The following NUP153 variants were observed in gnomAD, a reference collection of about 807,000 sequenced individuals.
NUP153 encodes the protein nucleoporin 153, also known as nuclear pore complex protein Nup153.
A neutral mutation model predicts 134.6 loss-of-function variants in NUP153; 27 were observed. The ratio of observed to expected loss-of-function variants is 0.20; its 90% CI spans 0.15 to 0.28. NUP153 has a LOEUF of 0.28. NUP153 is among the 10% of genes least tolerant of loss of function. The probability of loss-of-function intolerance (pLI) is 1.00; values close to 1 mark genes in which losing one functional copy is unlikely to be tolerated. For synonymous variants in NUP153, 640 were observed against 623.5 expected (o/e 1.03, Z -0.40); for missense variants, 1,821 against 1,731.3 (o/e 1.05, Z -0.92).
At chr6:17,664,840 G>T (rs1424587635) in intron 9 of NUP153, among the ~76,000 whole-genome samples, 1 of 151,976 alleles carries the variant, frequency 6.6e-6, no homozygotes, top group Non-Finnish European at 1.5e-5. Context: ...GTCACTTGAG[G>T]TCAGGAGTTC....
chr6:17,695,599 T>G (rs1473134197), intron 1 of NUP153, among the ~76,000 whole-genome samples: 1 of 152,204 alleles, frequency 6.6e-6, no homozygotes, highest in East Asian at 1.9e-4. Flanking sequence ...ATTTCCACCG[T>G]TAAAGACTTA....
rs1325411988 is a variant in NUP153 at position 17,669,344 on chromosome 6, A to C, written c.970-7T>G. ...ATGGAATTCTTTTTGCATCCTGTTAAAGTTGAAAAAATAACAAAATTAAGA... is the reference window on the plus strand; with the variant it reads ...ATGGAATTCTTTTTGCATCCTGTTACAGTTGAAAAAATAACAAAATTAAGA... On this transcript the variant is annotated splice_region_variant and splice_polypyrimidine_tract_variant and intron_variant, in intron 6 of 21. Transcript: ENST00000262077. 2 of 1,608,440 alleles carry C rather than the reference A, an allele frequency of 1.2e-6. No individual in the cohort carries two copies. The highest frequency in any genetic ancestry group is 1.7e-5 in the Admixed American group (1 of 59,980).
At chr6:17,643,305 C>T (rs1486215626) in intron 14 of NUP153, among the ~76,000 whole-genome samples, 2 of 152,182 alleles carry the variant, frequency 1.3e-5, no homozygotes, top group Non-Finnish European at 2.9e-5. Context: ...AACCCCTTCT[C>T]TACTAAAAAT....
chr6:17,639,816 T>C (rs1025005138), intron 15 of NUP153, 123 bp downstream of exon 15: 1 of 818,538 alleles, frequency 1.2e-6, no homozygotes, highest in Non-Finnish European at 1.8e-6. Context: ...TACATCTCTA[T>C]TCAAAAGTAA....
Position 17,629,005 on chromosome 6 carries a change from C to T in NUP153, c.3194G>A (p.Cys1065Tyr). 1.9e-6 allele frequency: 3 copies of T among 1,614,150 alleles called. No homozygotes were observed. Among genetic ancestry groups the T allele is most frequent in the South Asian group, 1.1e-5 (1 of 91,082 alleles). ...TKSASVAPFT[C>Y]KTSEAKKEEM... is the part of the protein sequence containing the mutation. Reference sequence around the variant, plus strand: ...TTCTTTTTTAGCTTCTGATGTCTTACATGTGAAAGGAGCCACTGAAGCACT... The same window carrying T: ...TTCTTTTTTAGCTTCTGATGTCTTATATGTGAAAGGAGCCACTGAAGCACT... Residue 1065 changes from cysteine to tyrosine, a missense_variant, in exon 18 of 22, where the codon TGT becomes TAT. Cys to Tyr is a radical substitution (Grantham distance 194). Transcript: ENST00000262077.
At position 17,616,670 on chromosome 6, in the gene NUP153, G is replaced by A. The variant is rs1433295018; in HGVS notation, c.4200C>T (p.Ser1400=). The part of the protein sequence containing the change: ...NSSSAFQFGS[S]TTNFNFTNNS... ...TGTTTGTGAAGTTGAAATTTGTAGT[G>A]CTGCTGCCAAACTGGAAAGCCGAAC... Residue 1400 remains serine (S), a synonymous_variant, in exon 21 of 22, where the codon AGC becomes AGT. Transcript: ENST00000262077. The A allele has an allele frequency of 6.2e-7, 1 of 1,613,268 alleles. No homozygotes were observed. The highest frequency in any genetic ancestry group is 1.1e-5 in the South Asian group (1 of 90,892).
At position 17,652,750 on chromosome 6, in the gene NUP153, C is replaced by T. The variant is rs368095623; in HGVS notation, c.1396-3450G>A. Among the ~76,000 whole-genome samples, 318 of 152,204 alleles carry T rather than the reference C, an allele frequency of 2.1e-3. 1 individual carries two copies. The highest frequency in any genetic ancestry group is 3.8e-3 in the Non-Finnish European group (259 of 68,016). ...CAGTAAGAAGACAGCTGGCTGGGTGCGGTGGCTCATGGCCTGTAATCCCAG... is the reference window on the plus strand; with the variant it reads ...CAGTAAGAAGACAGCTGGCTGGGTGTGGTGGCTCATGGCCTGTAATCCCAG... On this transcript the variant is annotated intron_variant, in intron 11 of 21. Transcript: ENST00000262077.
intron 1 of NUP153, among the ~76,000 whole-genome samples, chr6:17,693,384 T>C (rs1184988580): frequency 6.6e-6 from 1 of 152,110 alleles, no homozygotes; most frequent in Non-Finnish European, 1.5e-5. Context: ...AAGAGAGGTC[T>C]TTTTTTGTGC....
intron 10 of NUP153, 112 bp downstream of exon 10, chr6:17,661,906 T>A (rs889028482): frequency 4.7e-6 from 6 of 1,282,074 alleles, no homozygotes; most frequent in Non-Finnish European, 6.6e-6. Flanking sequence ...TAGATTTCTT[T>A]ATATAAAGTT....
chr6:17,636,266 T>C (rs1765546286), intron 16 of NUP153, among the ~76,000 whole-genome samples: 1 of 148,362 alleles, frequency 6.7e-6, no homozygotes, highest in Non-Finnish European at 1.5e-5. Flanking sequence ...ATCTGGGAGA[T>C]GGAGGTCTCA....
chr6:17,700,269 C>G (rs1769965657), intron 1 of NUP153, among the ~76,000 whole-genome samples: 1 of 152,166 alleles, frequency 6.6e-6, no homozygotes, highest in African/African-American at 2.4e-5. Context: ...TTTTTAATAA[C>G]TCCTTACCTA....
chr6:17,645,468 T>C (rs1222756508), intron 14 of NUP153, among the ~76,000 whole-genome samples: 2 of 62,918 alleles, frequency 3.2e-5, no homozygotes, highest in African/African-American at 7.2e-5. Context: ...TTTCTTTTTC[T>C]TTTTTTTTTT....
intron 1 of NUP153, among the ~76,000 whole-genome samples, chr6:17,695,959 A>G (rs867909010): frequency 5.3e-5 from 8 of 152,094 alleles, no homozygotes; most frequent in Non-Finnish European, 1.2e-4. Context: ...CAGTGAGCTG[A>G]GATTGCACCA....
rs114710818 is a variant in NUP153 at position 17,673,138 on chromosome 6, G to A, written c.852+1767C>T. ...AATCCCAGCACTTTGGGAGGCCAAC[G>A]CGGGTGAATCACAAGGTCAAGAGTT... On this transcript the variant is annotated intron_variant, in intron 5 of 21. Transcript: ENST00000262077. Among the ~76,000 whole-genome samples the A allele has an allele frequency of 8.6e-3, 1,315 of 152,308 alleles. 13 individuals carry two copies. The highest frequency in any genetic ancestry group is 0.014 in the Non-Finnish European group (969 of 68,028).
At position 17,649,289 on chromosome 6, in the gene NUP153, A is replaced by T; in HGVS notation, c.1407T>A (p.Val469=). The change falls in exon 12 of 22, where the codon GTT becomes GTA. Residue 469 remains valine (V), a synonymous_variant. Coordinates refer to ENST00000262077, the MANE Select transcript of NUP153 (RefSeq NM_005124.4). ...GTAGAGAGATTTTCGGTAATACTGG[A>T]ACTTCCATTTCCTAAAACATAACAT... ...SKPLEEEEME[V]PVLPKISLPI... 6.2e-7 allele frequency: 1 copy of T among 1,610,986 alleles called. No individual in the cohort carries two copies. Among genetic ancestry groups the T allele is most frequent in the South Asian group, 1.1e-5 (1 of 90,178 alleles).
intron 11 of NUP153, among the ~76,000 whole-genome samples, chr6:17,652,192 C>A (rs1766535380): frequency 6.6e-6 from 1 of 152,110 alleles, no homozygotes; most frequent in Non-Finnish European, 1.5e-5. Flanking sequence ...GAACAAAGAT[C>A]TAATACTATC....
intron 5 of NUP153, among the ~76,000 whole-genome samples, chr6:17,671,102 T>C (rs953160420): frequency 6.6e-6 from 1 of 151,946 alleles, no homozygotes; most frequent in Non-Finnish European, 1.5e-5. Context: ...CCACACCTGG[T>C]CTAATCCCAT....
At chr6:17,616,251 C>T (rs1232144561) in intron 21 of NUP153, 70 bp from the exon 22 acceptor site, 6 of 714,040 alleles carry the variant, frequency 8.4e-6, no homozygotes, top group Non-Finnish European at 1.3e-5. Context: ...TAACATTTAC[C>T]ATGAGCAGCA....
At chr6:17,665,158 A>C (rs1400194102) in intron 9 of NUP153, 81 bp downstream of exon 9, 1 of 1,033,962 alleles carries the variant, frequency 9.7e-7, no homozygotes, top group Non-Finnish European at 1.4e-6. Context: ...CTAGAATACA[A>C]TGGTAGTTAT....
Sources: gnomAD v4.1 joint callset for allele counts (sites outside exome capture counted in the v4.1 genomes callset) on GRCh38, gnomAD v4.1.1 for gene constraint, MANE v1.5 for transcripts, NCBI Gene and HGNC (gene_info 2026-07-23, HGNC 2026-07-21) for gene names.